GNG12: variants seen among roughly 807,000 people sequenced by gnomAD.
The protein encoded by GNG12 is G protein subunit gamma 12.
For missense variants in GNG12, 69 were observed against 83.8 expected, an observed-to-expected ratio of 0.82 and a Z score of 0.69; for synonymous variants, 28 against 29.7, an observed-to-expected ratio of 0.94 and a Z score of 0.19.
intron 1 of GNG12, among the ~76,000 whole-genome samples, chr1:67,801,558 A>G (rs1055177673): frequency 2.0e-5 from 3 of 152,184 alleles, no homozygotes; most frequent in Admixed American, 6.5e-5. Context: ...AGACGGTAAC[A>G]TGAGTACATT....
Position 67,705,440 on chromosome 1 carries a change from T to A in GNG12, c.*11A>T. On this transcript the variant is annotated 3_prime_UTR_variant, in exon 4 of 4. Coordinates refer to ENST00000370982, the MANE Select transcript of GNG12 (RefSeq NM_018841.6). The stretch of plus-strand genomic sequence containing the variant: ...TGTTGGGAAGAGGCGAGGAGCTGTT[T>A]CTCTATTCCACTATAAGATGATGCA... 6.2e-7 allele frequency: 1 copy of A among 1,612,846 alleles called. No individual in the cohort carries two copies. The highest frequency in any genetic ancestry group is 8.5e-7 in the Non-Finnish European group (1 of 1,179,642).
At chr1:67,742,512 C>T (rs1171146689) in intron 2 of GNG12, among the ~76,000 whole-genome samples, 1 of 152,042 alleles carries the variant, frequency 6.6e-6, no homozygotes, top group African/African-American at 2.4e-5. Context: ...CATTCGTTCT[C>T]ACAATTACTC....
intron 1 of GNG12, among the ~76,000 whole-genome samples, chr1:67,788,194 G>C (rs1374976114): frequency 2.6e-5 from 4 of 152,068 alleles, no homozygotes; most frequent in African/African-American, 9.7e-5. Flanking sequence ...TGAGGGCTTA[G>C]TGATTACTAT....
rs78910218 is a variant in GNG12, at chr1:67,739,424, T to C, written c.-26-31712A>G. Among the ~76,000 whole-genome samples, 14 of 152,286 alleles carry C rather than the reference T, an allele frequency of 9.2e-5. No individual in the cohort carries two copies. The East Asian group carries it at 2.7e-3, about 29-fold the overall frequency. The stretch of plus-strand genomic sequence containing the variant: ...CGGTATGATCTTCACTCAATTTAAG[T>C]TTATTGAACGCCTACTATGTGGTAG... On this transcript the variant is annotated intron_variant, in intron 2 of 3. Coordinates refer to ENST00000370982, the MANE Select transcript of GNG12 (RefSeq NM_018841.6).
intron 1 of GNG12, among the ~76,000 whole-genome samples, chr1:67,815,890 G>C (rs369974051): frequency 6.6e-6 from 1 of 152,066 alleles, no homozygotes; most frequent in Non-Finnish European, 1.5e-5. Context: ...AGTACACTCC[G>C]GCAGCAAGAA....
chr1:67,757,412 C>T (rs370702025), intron 2 of GNG12, among the ~76,000 whole-genome samples: 27 of 152,154 alleles, frequency 1.8e-4, no homozygotes, highest in African/African-American at 6.0e-4. Context: ...GAAAAACATT[C>T]GCATGAGCCC....
At chr1:67,810,832 T>C (rs1460727911) in intron 1 of GNG12, among the ~76,000 whole-genome samples, 1 of 152,190 alleles carries the variant, frequency 6.6e-6, no homozygotes, top group Non-Finnish European at 1.5e-5. Flanking sequence ...TTACTGAAAC[T>C]CACTATGTCT....
intron 2 of GNG12, among the ~76,000 whole-genome samples, chr1:67,769,690 G>A (rs1646662003): frequency 6.6e-6 from 1 of 152,186 alleles, no homozygotes; most frequent in Non-Finnish European, 1.5e-5. Context: ...AAGTTTCCCT[G>A]TGGGCTTAGA....
intron 1 of GNG12, among the ~76,000 whole-genome samples, chr1:67,821,771 CT>C (rs78355593): frequency 3.7e-4 from 55 of 148,802 alleles, no homozygotes; most frequent in African/African-American, 8.1e-4. Context: ...TAATCAGCAG[CT>C]TTTTTTTTTT....
intron 2 of GNG12, among the ~76,000 whole-genome samples, chr1:67,760,532 T>C (rs973753259): frequency 6.6e-6 from 1 of 152,208 alleles, no homozygotes; most frequent in Admixed American, 6.5e-5. Context: ...ACGTTGCTCA[T>C]GACCAGGAAA....
intron 2 of GNG12, among the ~76,000 whole-genome samples, chr1:67,766,276 G>A (rs1646638666): frequency 6.6e-6 from 1 of 152,058 alleles, no homozygotes; most frequent in Non-Finnish European, 1.5e-5. Context: ...ACAATTCTCT[G>A]GTCCTCCTCT....
At chr1:67,798,761 C>T (rs924350474) in intron 1 of GNG12, among the ~76,000 whole-genome samples, 1 of 152,088 alleles carries the variant, frequency 6.6e-6, no homozygotes, top group Non-Finnish European at 1.5e-5. Context: ...CGAGACCATC[C>T]TGGCCAACAT....
intron 1 of GNG12, among the ~76,000 whole-genome samples, chr1:67,827,690 G>T (rs2249746): frequency 0.33 from 43,550 of 133,746 alleles, 6,403 homozygotes; most frequent in Admixed American, 0.4. Flanking sequence ...CTCCCAAAGT[G>T]CTGGGATTAC....
chr1:67,824,479 C>T (rs551768787), intron 1 of GNG12, among the ~76,000 whole-genome samples: 1 of 135,644 alleles, frequency 7.4e-6, no homozygotes, highest in African/African-American at 2.8e-5. Context: ...CACTGCACTC[C>T]AGCCAGGATG....
At chr1:67,797,121 A>G (rs1349681457) in intron 1 of GNG12, among the ~76,000 whole-genome samples, 1 of 152,162 alleles carries the variant, frequency 6.6e-6, no homozygotes, top group Non-Finnish European at 1.5e-5. Context: ...TTAACATGAG[A>G]TTTGGAGGGG....
chr1:67,706,365 T>C (rs1646247364), intron 3 of GNG12, among the ~76,000 whole-genome samples: 1 of 152,312 alleles, frequency 6.6e-6, no homozygotes, highest in East Asian at 1.9e-4. Context: ...CTTCAGGATT[T>C]ACTGTTAGAG....
chr1:67,828,818 T>C (rs539846340), intron 1 of GNG12, among the ~76,000 whole-genome samples: 1 of 152,310 alleles, frequency 6.6e-6, no homozygotes, highest in South Asian at 2.1e-4. Flanking sequence ...TTCATGAAGA[T>C]CAAACTACAA....
intron 2 of GNG12, among the ~76,000 whole-genome samples, chr1:67,756,496 T>A (rs1217444581): frequency 6.6e-6 from 1 of 152,132 alleles, no homozygotes; most frequent in East Asian, 1.9e-4. Flanking sequence ...CTATGGCTGC[T>A]GCTCAAAGGA....
At chr1:67,742,788 T>C (rs770601493) in intron 2 of GNG12, among the ~76,000 whole-genome samples, 10 of 152,212 alleles carry the variant, frequency 6.6e-5, no homozygotes, top group African/African-American at 1.7e-4. Context: ...TAATGATTTC[T>C]GGTGGTATAT....
Sources: allele counts gnomAD v4.1 joint callset (sites outside exome capture counted in the v4.1 genomes callset), GRCh38; gene constraint gnomAD v4.1.1; transcripts MANE v1.5; gene names NCBI Gene and HGNC (gene_info 2026-07-23, HGNC 2026-07-21).